PACRG: variants seen among roughly 807,000 people sequenced by gnomAD.
PACRG encodes parkin coregulated.
A neutral mutation model predicts 29.7 loss-of-function variants in PACRG; 29 were observed. The ratio of observed to expected loss-of-function variants is 0.98; its 90% CI spans 0.73 to 1.33. The LOEUF (loss-of-function observed/expected upper bound fraction) is 1.33. Ranked by LOEUF, PACRG falls within the 40% of genes most tolerant of loss-of-function variation. The pLI, the probability that PACRG is intolerant of heterozygous loss-of-function variation, is 0.00. For synonymous variants in PACRG, 116 were observed against 118.7 expected (o/e 0.98, Z 0.15); for missense variants, 279 against 316.2 (o/e 0.88, Z 0.89).
At chr6:162,989,594 C>CA (rs1012776670) in intron 2 of PACRG, among the ~76,000 whole-genome samples, 28 of 151,906 alleles carry the variant, frequency 1.8e-4, no homozygotes, top group African/African-American at 6.3e-4. Flanking sequence ...AAATCATAAC[C>CA]AAAAAAATGT....
intron 2 of PACRG, among the ~76,000 whole-genome samples, chr6:163,041,670 G>A (rs2128237575): frequency 6.6e-6 from 1 of 152,280 alleles, no homozygotes; most frequent in Non-Finnish European, 1.5e-5. Flanking sequence ...ATGGACTAAT[G>A]CATTGACCAT....
At chr6:162,999,211 T>G (rs534196730) in intron 2 of PACRG, among the ~76,000 whole-genome samples, 2 of 152,238 alleles carry the variant, frequency 1.3e-5, no homozygotes, top group Non-Finnish European at 2.9e-5. Flanking sequence ...ATCAAGAGAT[T>G]GCTGGAAGCC....
At chr6:163,015,001 A>T (rs1262599035) in intron 2 of PACRG, among the ~76,000 whole-genome samples, 1 of 152,154 alleles carries the variant, frequency 6.6e-6, no homozygotes, top group Non-Finnish European at 1.5e-5. Context: ...TAAATTCTCA[A>T]TTCATCTTGA....
intron 4 of PACRG, among the ~76,000 whole-genome samples, chr6:163,181,398 T>C (rs1367504388): frequency 2.6e-5 from 4 of 151,934 alleles, no homozygotes; most frequent in Admixed American, 2.0e-4. Flanking sequence ...TGAAAAGCAG[T>C]GCCGGGGCTG....
At chr6:162,934,401 A>G (rs1024883999) in intron 2 of PACRG, among the ~76,000 whole-genome samples, 2 of 152,184 alleles carry the variant, frequency 1.3e-5, no homozygotes, top group Non-Finnish European at 2.9e-5. Flanking sequence ...AAAATTGGGG[A>G]TCAAATTTAT....
chr6:162,936,789 A>G (rs1012262151), intron 2 of PACRG, among the ~76,000 whole-genome samples: 5 of 151,830 alleles, frequency 3.3e-5, no homozygotes, highest in African/African-American at 9.7e-5. Flanking sequence ...TATATCTGTA[A>G]TTGTTCAGAA....
chr6:162,962,561 C>T (rs960657682), intron 2 of PACRG, among the ~76,000 whole-genome samples: 5 of 144,712 alleles, frequency 3.5e-5, no homozygotes, highest in Admixed American at 3.4e-4. Context: ...GATTTGTGTT[C>T]TTATGGGAAG....
At chr6:162,942,865 T>C (rs1367112565) in intron 2 of PACRG, among the ~76,000 whole-genome samples, 2 of 152,102 alleles carry the variant, frequency 1.3e-5, no homozygotes, top group Non-Finnish European at 2.9e-5. Flanking sequence ...AAATAGTGAG[T>C]AGATAATCAA....
chr6:163,092,629 T>C (rs912389796), intron 4 of PACRG, among the ~76,000 whole-genome samples: 6 of 152,196 alleles, frequency 3.9e-5, no homozygotes, highest in African/African-American at 1.4e-4. Context: ...GGCAAATCCC[T>C]TAAAGTCTGT....
At chr6:163,233,842 C>T (rs998361006) in intron 4 of PACRG, among the ~76,000 whole-genome samples, 2 of 152,156 alleles carry the variant, frequency 1.3e-5, no homozygotes, top group Admixed American at 1.3e-4. Context: ...GAATGAGGAG[C>T]ACGTTTGTAG....
chr6:163,073,665 A>G (rs188841031), intron 3 of PACRG, among the ~76,000 whole-genome samples: 1 of 152,352 alleles, frequency 6.6e-6, no homozygotes, highest in East Asian at 1.9e-4. Context: ...ATGGGAGAAA[A>G]TAATTGCACA....
intron 3 of PACRG, among the ~76,000 whole-genome samples, chr6:163,067,793 A>G (rs1432987066): frequency 6.6e-6 from 1 of 152,186 alleles, no homozygotes; most frequent in East Asian, 1.9e-4. Flanking sequence ...CTTCTTCCCC[A>G]CTAATTAATG....
At chr6:163,088,444 T>C (rs931801154) in intron 3 of PACRG, among the ~76,000 whole-genome samples, 2 of 152,180 alleles carry the variant, frequency 1.3e-5, no homozygotes, top group African/African-American at 4.8e-5. Context: ...GCTCCCATGA[T>C]TGAAGAAACT....
chr6:162,752,903 A>G (rs1475751880), intron 1 of PACRG, among the ~76,000 whole-genome samples: 9 of 152,140 alleles, frequency 5.9e-5, no homozygotes, highest in Admixed American at 3.9e-4. Context: ...ATTCCACCAT[A>G]TACTTTATTT....
At chr6:163,035,756 G>A (rs1339946977) in intron 2 of PACRG, among the ~76,000 whole-genome samples, 2 of 145,070 alleles carry the variant, frequency 1.4e-5, no homozygotes, top group Non-Finnish European at 3.0e-5. Context: ...AGGTGGAGGT[G>A]AGCCGAGATC....
intron 4 of PACRG, among the ~76,000 whole-genome samples, chr6:163,138,825 A>C (rs1817040378): frequency 6.6e-6 from 1 of 152,240 alleles, no homozygotes; most frequent in African/African-American, 2.4e-5. Context: ...ATTATAATTC[A>C]CATGCATTCA....
At chr6:163,097,023 A>G (rs1814658978) in intron 4 of PACRG, among the ~76,000 whole-genome samples, 1 of 152,116 alleles carries the variant, frequency 6.6e-6, no homozygotes, top group African/African-American at 2.4e-5. Flanking sequence ...CCTTCCCCCG[A>G]AGACAGTTTA....
chr6:163,134,628 A>G (rs149696943), intron 4 of PACRG, among the ~76,000 whole-genome samples: 1 of 152,218 alleles, frequency 6.6e-6, no homozygotes, highest in Non-Finnish European at 1.5e-5. Flanking sequence ...ATTAATGTAC[A>G]TCTTAATTGG....
intron 4 of PACRG, among the ~76,000 whole-genome samples, chr6:163,241,032 G>A (rs1782486784): frequency 6.6e-6 from 1 of 152,156 alleles, no homozygotes; most frequent in Admixed American, 6.5e-5. Context: ...TCAAGTCTAT[G>A]TGACATATTT....
Sources: allele counts gnomAD v4.1 joint callset (sites outside exome capture counted in the v4.1 genomes callset), GRCh38; gene constraint gnomAD v4.1.1; transcripts MANE v1.5; gene names NCBI Gene and HGNC (gene_info 2026-07-23, HGNC 2026-07-21).